Variants in SIPA1L2 observed in about 807,000 individuals in gnomAD.
SIPA1L2 encodes the protein signal-induced proliferation-associated 1-like protein 2.
In SIPA1L2, 56 loss-of-function variants were observed where a neutral mutation model predicts 163.9. The observed-to-expected ratio is 0.34, with a 90% confidence interval of 0.28 to 0.43. SIPA1L2 has a LOEUF of 0.43. Among genes scored for constraint, SIPA1L2 ranks in the 20% least tolerant of loss-of-function variants. The probability of loss-of-function intolerance (pLI) is 1.00; values close to 1 mark genes in which losing one functional copy is unlikely to be tolerated. For missense variants in SIPA1L2, 1,974 were observed against 2,193.5 expected (o/e 0.90, Z 2.00); for synonymous variants, 877 against 865.7 (o/e 1.01, Z -0.23).
Position 232,428,460 on chromosome 1 carries a change from A to G in SIPA1L2, c.4361T>C (p.Leu1454Pro). ...TQHVLSKEDF[L>P]KLMLPDSPLV... ...GGGGCTGTCAGGAAGCATCAATTTC[A>G]GAAAATCTTCTTTAGACAGAACATG... Residue 1454 changes from leucine to proline, a missense_variant, in exon 17 of 23, where the codon CTG becomes CCG. By Grantham distance (98) the Leu-to-Pro change is moderately conservative. Transcript: ENST00000674635. The G allele has an allele frequency of 6.3e-7, 1 of 1,588,374 alleles. No homozygotes were observed. The highest frequency in any genetic ancestry group is 8.6e-7 in the Non-Finnish European group (1 of 1,168,180).
chr1:232,439,049 C>T (rs535338834), intron 15 of SIPA1L2, 59 bp downstream of exon 15: 2 of 1,518,446 alleles, frequency 1.3e-6, no homozygotes, highest in African/African-American at 2.7e-5. Flanking sequence ...TGCCCTATCC[C>T]AGCAGGCAGG....
At chr1:232,402,514 A>T (rs749693868) in intron 21 of SIPA1L2, 41 bp from the exon 22 acceptor site, 7 of 1,571,360 alleles carry the variant, frequency 4.5e-6, no homozygotes, top group Admixed American at 1.8e-5. Context: ...CAAGAGAGTC[A>T]ATCGAGCATT....
chr1:232,516,415 C>T (rs1272284008), intron 2 of SIPA1L2, among the ~76,000 whole-genome samples: 2 of 152,158 alleles, frequency 1.3e-5, no homozygotes, highest in Admixed American at 6.5e-5. Flanking sequence ...TCCAGTCATC[C>T]TTGATCCTTT....
At chr1:232,593,430 C>A (rs1194417484) in intron 1 of SIPA1L2, among the ~76,000 whole-genome samples, 1 of 152,174 alleles carries the variant, frequency 6.6e-6, no homozygotes, top group African/African-American at 2.4e-5. Context: ...TGAACATAAG[C>A]AGGATATTAA....
intron 6 of SIPA1L2, among the ~76,000 whole-genome samples, chr1:232,480,139 CTGTGTGTGTGTGTGCGTGTGTGTG>C (rs1389289889): frequency 2.5e-4 from 33 of 131,272 alleles, no homozygotes; most frequent in African/African-American, 9.1e-4. Context: ...CTGGCCGCAT[CTGTGTGTGTGTGTGCGTGTGTGTG>C]TGTGTGTGTG....
At chr1:232,624,875 G>A (rs148700759) in intron 1 of SIPA1L2, among the ~76,000 whole-genome samples, 16 of 152,276 alleles carry the variant, frequency 1.1e-4, no homozygotes, top group African/African-American at 3.4e-4. Flanking sequence ...TTCAACACAA[G>A]AGAATACCAA....
rs115931912 is a variant in SIPA1L2, at chr1:232,546,654, C to T, written c.-270+27520G>A. Among the ~76,000 whole-genome samples, 976 of 152,284 alleles carry T rather than the reference C, an allele frequency of 6.4e-3. 6 individuals are homozygous for T. The highest frequency in any genetic ancestry group is 0.023 in the African/African-American group (940 of 41,532). The stretch of plus-strand genomic sequence containing the variant: ...AATGAACACAGTTCATTCCGTCCAT[C>T]GACTAAATGTCTAGGCTGTTTCAGG... On this transcript the variant is annotated intron_variant, in intron 2 of 22. Transcript: ENST00000674635.
chr1:232,457,375 G>A (rs1663980492), intron 10 of SIPA1L2, among the ~76,000 whole-genome samples: 1 of 152,148 alleles, frequency 6.6e-6, no homozygotes, highest in African/African-American at 2.4e-5. Context: ...ACATTTATGA[G>A]ACTAAAATAT....
Position 232,514,146 on chromosome 1 carries a change from A to G in SIPA1L2, c.1194T>C (p.Gly398=), listed in dbSNP as rs1272726135. 3 of 1,613,876 alleles carry G rather than the reference A, an allele frequency of 1.9e-6. No homozygotes were observed. Among genetic ancestry groups the G allele is most frequent in the Non-Finnish European group, 2.5e-6 (3 of 1,179,966 alleles). The part of the protein sequence containing the change: ...NSKENLDADE[G]DGKSNDLVLS... The stretch of plus-strand genomic sequence containing the variant: ...GGACGAGGTCGTTACTTTTCCCATC[A>G]CCCTCATCGGCATCCAGGTTCTCTT... Residue 398 remains glycine (G), a synonymous_variant, in exon 3 of 23, where the codon GGT becomes GGC. Coordinates refer to ENST00000674635, the MANE Select transcript of SIPA1L2 (RefSeq NM_020808.5).
intron 1 of SIPA1L2, among the ~76,000 whole-genome samples, chr1:232,579,203 C>CA (rs1660237689): frequency 6.6e-6 from 1 of 152,150 alleles, no homozygotes; most frequent in Non-Finnish European, 1.5e-5. Context: ...ATTTTCTTTC[C>CA]ACTGAAATGA....
At chr1:232,588,165 C>A (rs1038432974) in intron 1 of SIPA1L2, among the ~76,000 whole-genome samples, 1 of 152,180 alleles carries the variant, frequency 6.6e-6, no homozygotes, top group African/African-American at 2.4e-5. Flanking sequence ...ATACTGGTGG[C>A]TGTCGCAAGG....
At chr1:232,592,183 A>G (rs1467734297) in intron 1 of SIPA1L2, among the ~76,000 whole-genome samples, 1 of 152,268 alleles carries the variant, frequency 6.6e-6, no homozygotes, top group Non-Finnish European at 1.5e-5. Context: ...ACACTTACTT[A>G]GAGGCTGTCT....
At chr1:232,466,841 C>T (rs766834857) in intron 8 of SIPA1L2, among the ~76,000 whole-genome samples, 9 of 151,936 alleles carry the variant, frequency 5.9e-5, no homozygotes, top group Non-Finnish European at 1.2e-4. Flanking sequence ...AAGATTAAGA[C>T]GAGTAAGTGA....
At chr1:232,451,724 C>T (rs1194196203) in intron 10 of SIPA1L2, among the ~76,000 whole-genome samples, 3 of 152,216 alleles carry the variant, frequency 2.0e-5, no homozygotes, top group South Asian at 2.1e-4. Context: ...TGCTTGCCAA[C>T]AGGAGATACT....
At chr1:232,428,350 C>CT (rs34949132) in intron 17 of SIPA1L2, 61 bp downstream of exon 17, 55,524 of 835,034 alleles carry the variant, frequency 0.066, 1,073 homozygotes, top group African/African-American at 0.12. Context: ...TTTCTTTAGA[C>CT]TTTTTTTTTT....
Position 232,565,996 on chromosome 1 carries a change from C to T in SIPA1L2, c.-270+8178G>A, listed in dbSNP as rs369685331. Among the ~76,000 whole-genome samples, 26 of 152,324 alleles carry T rather than the reference C, an allele frequency of 1.7e-4. No homozygotes were observed. In the South Asian group the frequency reaches 5.2e-3, roughly 30 times the overall value. On this transcript the variant is annotated intron_variant, in intron 2 of 22. Transcript: ENST00000674635. ...ACATTATAATAATTATTGACTATGGCTCTTTCAAGTTGCCCTTACACTGAA... is the reference window on the plus strand; with the variant it reads ...ACATTATAATAATTATTGACTATGGTTCTTTCAAGTTGCCCTTACACTGAA...
intron 2 of SIPA1L2, among the ~76,000 whole-genome samples, chr1:232,565,904 T>C (rs578057198): frequency 2.0e-5 from 3 of 152,196 alleles, no homozygotes; most frequent in African/African-American, 7.2e-5. Context: ...ATGGTTCCTA[T>C]AGTATACACT....
intron 10 of SIPA1L2, among the ~76,000 whole-genome samples, chr1:232,447,531 A>G (rs2102878649): frequency 6.6e-6 from 1 of 152,388 alleles, no homozygotes; most frequent in South Asian, 2.1e-4. Flanking sequence ...GCCCCGACAG[A>G]GAATGGCTGA....
chr1:232,511,579 G>A (rs985050300), intron 3 of SIPA1L2, among the ~76,000 whole-genome samples: 2 of 152,116 alleles, frequency 1.3e-5, no homozygotes, highest in African/African-American at 2.4e-5. Flanking sequence ...TACTCCATGA[G>A]AAAAAGTAAT....
Sources: allele counts gnomAD v4.1 joint callset (sites outside exome capture counted in the v4.1 genomes callset), GRCh38; gene constraint gnomAD v4.1.1; transcripts MANE v1.5; gene names NCBI Gene and HGNC (gene_info 2026-07-23, HGNC 2026-07-21).